CNIH3: variants seen among roughly 807,000 people sequenced by gnomAD.
CNIH3 encodes protein cornichon homolog 3.
Under a neutral mutation model 24.1 loss-of-function variants are expected in CNIH3, and 14 were observed. The observed-to-expected ratio is 0.58, with a 90% confidence interval of 0.38 to 0.91. CNIH3 has a LOEUF of 0.91. Ranked by LOEUF, CNIH3 falls within the 40% of genes least tolerant of loss-of-function variation. CNIH3 has a pLI of 0.00. For synonymous variants in CNIH3, 68 were observed against 73.8 expected, an observed-to-expected ratio of 0.92 and a Z score of 0.40; for missense variants, 178 against 196.8, an observed-to-expected ratio of 0.90 and a Z score of 0.57.
At position 224,660,239 on chromosome 1, in the gene CNIH3, C is replaced by G. The variant is rs138995370; in HGVS notation, c.82-20719C>G. On this transcript the variant is annotated intron_variant, in intron 1 of 5. Coordinates refer to ENST00000272133, the MANE Select transcript of CNIH3 (RefSeq NM_152495.2). ...ACAATCACGGTGGAAGACAAGGAGT[C>G]AGTCACATCTTACATAGATGACAGC... Among the ~76,000 whole-genome samples the G allele has an allele frequency of 2.8e-3, 427 of 152,242 alleles. 8 individuals carry two copies. Among genetic ancestry groups the G allele is most frequent in the Admixed American group, 0.026 (401 of 15,290 alleles).
chr1:224,434,733 C>T (rs1468653101), exon 1 of CNIH3: 1 of 985,842 alleles, frequency 1.0e-6, no homozygotes, highest in South Asian at 4.5e-5. Flanking sequence ...GCTGCCGCCT[C>T]TGTCCTCGGA....
chr1:224,500,486 A>G (rs1484362332), intron 1 of CNIH3, among the ~76,000 whole-genome samples: 3 of 152,270 alleles, frequency 2.0e-5, no homozygotes, highest in Admixed American at 6.5e-5. Context: ...AGCCTGGCCA[A>G]CATGACGAAA....
chr1:224,575,377 T>C (rs531627983), intron 4 of CNIH3: 59 of 1,068,232 alleles, frequency 5.5e-5, no homozygotes, highest in Non-Finnish European at 1.6e-5. Context: ...ACCCCTTCCA[T>C]GAAGAGTTTT....
At chr1:224,652,807 C>G (rs1468838096) in intron 1 of CNIH3, among the ~76,000 whole-genome samples, 2 of 152,176 alleles carry the variant, frequency 1.3e-5, no homozygotes, top group Non-Finnish European at 2.9e-5. Flanking sequence ...GCTGAGGCTG[C>G]TAATGGGTTT....
rs115757819 is a variant in CNIH3, at chr1:224,526,854, G to A, written n.343+5527G>A. On this transcript the variant is annotated intron_variant and non_coding_transcript_variant, in intron 2 of 2. Transcript: ENST00000470602. ...CCAATTATGGTGGAAGGCAAAGCGT[G>A]AGCCTACACATAACATGGTGAAAGA... 7.0e-3 allele frequency among the ~76,000 whole-genome samples: 1,073 copies of A among 152,210 alleles called. 8 individuals carry two copies. The highest frequency in any genetic ancestry group is 0.011 in the Non-Finnish European group (777 of 68,004).
chr1:224,563,865 AT>A (rs1487231157), intron 3 of CNIH3, among the ~76,000 whole-genome samples: 1 of 152,206 alleles, frequency 6.6e-6, no homozygotes, highest in Non-Finnish European at 1.5e-5. Context: ...TTGGCCCTGG[AT>A]TGAGAATAGC....
In CNIH3 at chr1:224,714,071, T is replaced by C. The variant is rs113185920; in HGVS notation, c.199-16391T>C. 8.7e-3 allele frequency among the ~76,000 whole-genome samples: 1,322 copies of C among 152,306 alleles called. 20 individuals are homozygous for C. Among genetic ancestry groups the C allele is most frequent in the African/African-American group, 0.03 (1,233 of 41,568 alleles). On this transcript the variant is annotated intron_variant, in intron 3 of 5. Transcript: ENST00000272133. ...CTCAAGTGATCCACCCCACTTGGCT[T>C]CCCAAAGTGCTGGGATTACAGGCGT...
chr1:224,460,084 C>G (rs1437375160), intron 1 of CNIH3, among the ~76,000 whole-genome samples: 1 of 151,814 alleles, frequency 6.6e-6, no homozygotes, highest in African/African-American at 2.4e-5. Context: ...GTCATATCGC[C>G]CAGGCTGCTC....
intron 3 of CNIH3, among the ~76,000 whole-genome samples, chr1:224,688,313 T>A (rs1243406765): frequency 2.6e-5 from 4 of 152,228 alleles, no homozygotes; most frequent in African/African-American, 9.6e-5. Context: ...GTAGCTCACA[T>A]GTTATTTAGC....
At chr1:224,503,536 G>T (rs1677772322) in intron 1 of CNIH3, among the ~76,000 whole-genome samples, 1 of 152,234 alleles carries the variant, frequency 6.6e-6, no homozygotes, top group Admixed American at 6.5e-5. Context: ...GAGCCGAGGT[G>T]ACAGCCTGGG....
rs375280342 is a variant in CNIH3 at position 224,502,081 on chromosome 1, A to G, written n.204-13660A>G. Among the ~76,000 whole-genome samples, 468 of 152,202 alleles carry G rather than the reference A, an allele frequency of 3.1e-3. 2 individuals carry two copies. The Middle Eastern group carries it at 0.034, about 11-fold the overall frequency. The stretch of plus-strand genomic sequence containing the variant: ...GGGCCTTGTTCAGAATGGTTTGCCC[A>G]GAGGGGTCTTCCCTGAGGATACCAC... On this transcript the variant is annotated intron_variant and non_coding_transcript_variant, in intron 1 of 5. Coordinates refer to the CNIH3 transcript ENST00000471578.
intron 1 of CNIH3, among the ~76,000 whole-genome samples, chr1:224,450,466 C>T (rs764973456): frequency 1.3e-5 from 2 of 152,082 alleles, no homozygotes; most frequent in Non-Finnish European, 2.9e-5. Flanking sequence ...GAACTACTCT[C>T]GTGAAGATCA....
chr1:224,584,577 A>C (rs1008647016), intron 5 of CNIH3, among the ~76,000 whole-genome samples: 2 of 152,256 alleles, frequency 1.3e-5, no homozygotes, highest in Admixed American at 1.3e-4. Flanking sequence ...AAAGACTGGT[A>C]AAAATATTCA....
chr1:224,530,458 T>A (rs1028253904), intron 2 of CNIH3, among the ~76,000 whole-genome samples: 3 of 152,160 alleles, frequency 2.0e-5, no homozygotes, highest in Admixed American at 2.0e-4. Flanking sequence ...ATGCACAGCA[T>A]TACATTTAAT....
At chr1:224,484,486 A>G (rs1676952166) in intron 1 of CNIH3, among the ~76,000 whole-genome samples, 1 of 152,026 alleles carries the variant, frequency 6.6e-6, no homozygotes, top group Admixed American at 6.5e-5. Context: ...TGACTATGAT[A>G]TGTGTTGGTG....
intron 1 of CNIH3, among the ~76,000 whole-genome samples, chr1:224,638,045 G>A (rs1684179468): frequency 6.6e-6 from 1 of 152,256 alleles, no homozygotes. Flanking sequence ...GCTTTTGAGT[G>A]TAACTGAAAT....
intron 4 of CNIH3, among the ~76,000 whole-genome samples, chr1:224,580,151 G>A (rs556804341): frequency 6.6e-6 from 1 of 152,246 alleles, no homozygotes; most frequent in South Asian, 2.1e-4. Context: ...AGGGAATGAC[G>A]GGCTGGGGAG....
intron 5 of CNIH3, among the ~76,000 whole-genome samples, chr1:224,736,749 A>G (rs1237439208): frequency 6.6e-6 from 1 of 152,022 alleles, no homozygotes; most frequent in Admixed American, 6.5e-5. Context: ...GCCTCCGGAG[A>G]TTTCTACGGT....
upstream of CNIH3, among the ~76,000 whole-genome samples, chr1:224,515,192 C>G (rs1678331107): frequency 6.6e-6 from 1 of 152,222 alleles, no homozygotes; most frequent in Non-Finnish European, 1.5e-5. Context: ...AGGCTATTTA[C>G]AGTGGCATTG....
Sources: gnomAD v4.1 joint callset for allele counts (sites outside exome capture counted in the v4.1 genomes callset) on GRCh38, gnomAD v4.1.1 for gene constraint, MANE v1.5 for transcripts, NCBI Gene and HGNC (gene_info 2026-07-23, HGNC 2026-07-21) for gene names.